SUCLG2: variants seen among roughly 807,000 people sequenced by gnomAD.
The protein encoded by SUCLG2 is succinate-CoA ligase GDP-forming subunit beta, also known as succinate--CoA ligase [GDP-forming] subunit beta, mitochondrial.
Under a neutral mutation model 47.9 loss-of-function variants are expected in SUCLG2, and 42 were observed. That is an observed-to-expected ratio of 0.88 (90% CI 0.69 to 1.14). The LOEUF (loss-of-function observed/expected upper bound fraction) is 1.14. Among genes scored for constraint, SUCLG2 ranks in the 50% most tolerant of loss-of-function variants. The pLI is 0.00. For missense variants in SUCLG2, 571 were observed against 525.9 expected, an observed-to-expected ratio of 1.09 and a Z score of -0.84; for synonymous variants, 195 against 197.3, an observed-to-expected ratio of 0.99 and a Z score of 0.10.
At chr3:67,532,878 T>C (rs1301022781) in intron 2 of SUCLG2, among the ~76,000 whole-genome samples, 1 of 152,212 alleles carries the variant, frequency 6.6e-6, no homozygotes, top group Non-Finnish European at 1.5e-5. Context: ...ACCACAAGTG[T>C]TATTCTAATT....
intron 1 of SUCLG2, among the ~76,000 whole-genome samples, chr3:67,651,306 A>G (rs78654394): frequency 0.059 from 8,951 of 152,238 alleles, 366 homozygotes; most frequent in Middle Eastern, 0.099. Flanking sequence ...TCTTCCTCTC[A>G]GACCTAGTCT....
intron 2 of SUCLG2, among the ~76,000 whole-genome samples, chr3:67,563,097 TTAATATATAATACATATATACA>T (rs1707351743): frequency 6.7e-6 from 1 of 149,130 alleles, no homozygotes. Context: ...ATTTATAATT[TTAATATATAATACATATATACA>T]TAATATATAA....
In SUCLG2 at chr3:67,636,501, C is replaced by A. The variant is rs1331127928; in HGVS notation, c.84+18002G>T. 2.0e-5 allele frequency among the ~76,000 whole-genome samples: 3 copies of A among 151,946 alleles called. No individual in the cohort carries two copies. In the East Asian group the frequency reaches 5.8e-4, roughly 29 times the overall value. ...CCGAGTAGCTGGGACTACAGGCGCC[C>A]GCCACTGCACCCGGCTAATTTTTTG... is the stretch of plus-strand genomic sequence containing the variant. On this transcript the variant is annotated intron_variant, in intron 1 of 10. Coordinates refer to ENST00000307227, the MANE Select transcript of SUCLG2 (RefSeq NM_003848.4).
chr3:67,455,104 T>C (rs1478938691), intron 9 of SUCLG2, among the ~76,000 whole-genome samples: 1 of 152,174 alleles, frequency 6.6e-6, no homozygotes, highest in African/African-American at 2.4e-5. Context: ...GTTCACACAT[T>C]GCATGTAGTT....
chr3:67,604,084 A>G (rs1004948661), intron 2 of SUCLG2, among the ~76,000 whole-genome samples: 1 of 152,218 alleles, frequency 6.6e-6, no homozygotes, highest in African/African-American at 2.4e-5. Flanking sequence ...TCTCTCAGAC[A>G]TAAATCCATT....
At chr3:67,414,458 A>G (rs992446781) in intron 9 of SUCLG2, among the ~76,000 whole-genome samples, 1 of 152,206 alleles carries the variant, frequency 6.6e-6, no homozygotes, top group African/African-American at 2.4e-5. Context: ...GGTGGTTTCA[A>G]ACTCAGTGCC....
chr3:67,375,020 C>A lies in SUCLG2; in HGVS notation c.*724G>T. On this transcript the variant is annotated 3_prime_UTR_variant, in exon 11 of 11. Coordinates refer to ENST00000307227, the MANE Select transcript of SUCLG2 (RefSeq NM_003848.4). The stretch of plus-strand genomic sequence containing the variant: ...CATAAGAATCAGGATTCATTTTTGA[C>A]ACAAAAATGGAAGCTTCCACTCCCA... 1 of 985,678 alleles carries A rather than the reference C, an allele frequency of 1.0e-6. No individual in the cohort carries two copies. The highest frequency in any genetic ancestry group is 1.1e-4 in the East Asian group (1 of 8,808). 61.1% of individuals were successfully genotyped at this position (985,678 alleles called of 1,614,324 possible).
chr3:67,650,914 A>G (rs1334632684), intron 1 of SUCLG2, among the ~76,000 whole-genome samples: 2 of 152,174 alleles, frequency 1.3e-5, no homozygotes, highest in Non-Finnish European at 2.9e-5. Flanking sequence ...CCCTCAGCCA[A>G]CATTTCCCCT....
intron 2 of SUCLG2, among the ~76,000 whole-genome samples, chr3:67,585,659 G>A (rs1042441278): frequency 2.0e-5 from 3 of 151,976 alleles, no homozygotes; most frequent in African/African-American, 4.8e-5. Flanking sequence ...ATGTTCCCTT[G>A]TCCACCAAGA....
At chr3:67,474,331 A>T (rs1284797989) in intron 9 of SUCLG2, among the ~76,000 whole-genome samples, 1 of 152,186 alleles carries the variant, frequency 6.6e-6, no homozygotes, top group East Asian at 1.9e-4. Flanking sequence ...TAATTTCTAT[A>T]TATTGAAGAG....
intron 1 of SUCLG2, among the ~76,000 whole-genome samples, chr3:67,612,846 T>C (rs897364028): frequency 2.6e-5 from 4 of 152,330 alleles, no homozygotes; most frequent in Admixed American, 6.5e-5. Context: ...CAGTTATCAA[T>C]TGGGAGTTCC....
At chr3:67,473,185 T>A (rs902829686) in intron 9 of SUCLG2, among the ~76,000 whole-genome samples, 1 of 64,818 alleles carries the variant, frequency 1.5e-5, no homozygotes, top group Non-Finnish European at 3.2e-5. Context: ...TTTATTTTTA[T>A]TTATTTTTTT....
chr3:67,479,122 T>C (rs1290237593), intron 9 of SUCLG2, among the ~76,000 whole-genome samples: 1 of 152,132 alleles, frequency 6.6e-6, no homozygotes, highest in East Asian at 1.9e-4. Context: ...AGCAATGAAG[T>C]CTCATCTTGA....
chr3:67,492,210 G>T (rs1395798002), intron 9 of SUCLG2, among the ~76,000 whole-genome samples: 1 of 152,186 alleles, frequency 6.6e-6, no homozygotes, highest in African/African-American at 2.4e-5. Context: ...GAGAGCAAAA[G>T]ATTTGCTTAT....
intron 9 of SUCLG2, among the ~76,000 whole-genome samples, chr3:67,419,130 A>T (rs1703098433): frequency 6.6e-6 from 1 of 152,228 alleles, no homozygotes; most frequent in Non-Finnish European, 1.5e-5. Context: ...CAGTCCTGTG[A>T]TGAAAGGATG....
chr3:67,628,278 C>A lies in SUCLG2; in HGVS notation c.85-18682G>T, dbSNP rs536665108. Among the ~76,000 whole-genome samples, 4 of 152,306 alleles carry A rather than the reference C, an allele frequency of 2.6e-5. No homozygotes were observed. In the South Asian group the frequency reaches 6.2e-4, roughly 24 times the overall value. On this transcript the variant is annotated intron_variant, in intron 1 of 10. Transcript: ENST00000307227. Reference sequence around the variant, plus strand: ...ACTGATGAGTGCCCCGTGCCCAGAACACTGCATGAGACATTGTAGGCATTC... The same window carrying A: ...ACTGATGAGTGCCCCGTGCCCAGAAAACTGCATGAGACATTGTAGGCATTC...
intron 10 of SUCLG2, among the ~76,000 whole-genome samples, chr3:67,387,972 A>G (rs17194629): frequency 0.13 from 19,279 of 151,974 alleles, 1,364 homozygotes; most frequent in Non-Finnish European, 0.15. Flanking sequence ...GGAAAATAAA[A>G]TGGAAAAAAC....
intron 9 of SUCLG2, among the ~76,000 whole-genome samples, chr3:67,463,083 A>G (rs1257406612): frequency 1.3e-5 from 2 of 152,234 alleles, no homozygotes; most frequent in Admixed American, 6.5e-5. Flanking sequence ...AGCAAGTCCT[A>G]TGAGTTGAGT....
At chr3:67,471,349 T>C (rs898407203) in intron 9 of SUCLG2, among the ~76,000 whole-genome samples, 8 of 152,286 alleles carry the variant, frequency 5.3e-5, no homozygotes, top group East Asian at 1.9e-4. Context: ...GGTGAGAGCA[T>C]CCAAATCTTT....
Sources: gnomAD v4.1 joint callset for allele counts (sites outside exome capture counted in the v4.1 genomes callset) on GRCh38, gnomAD v4.1.1 for gene constraint, MANE v1.5 for transcripts, NCBI Gene and HGNC (gene_info 2026-07-23, HGNC 2026-07-21) for gene names.